The following PHOX2B variants were observed in gnomAD, a reference collection of about 807,000 sequenced individuals.
The protein encoded by PHOX2B is paired mesoderm homeobox protein 2B.
A neutral mutation model predicts 15.5 loss-of-function variants in PHOX2B; 1 was observed. The observed-to-expected ratio is 0.06, with a 90% CI of 0.02 to 0.31. The LOEUF is 0.31. Among genes scored for constraint, PHOX2B ranks in the 10% least tolerant of loss-of-function variants. The probability of loss-of-function intolerance (pLI) is 1.00; values close to 1 mark genes in which losing one functional copy is unlikely to be tolerated. For missense variants in PHOX2B, 314 were observed against 436.4 expected, an observed-to-expected ratio of 0.72 and a Z score of 2.50; for synonymous variants, 206 against 190.5, an observed-to-expected ratio of 1.08 and a Z score of -0.67.
rs1733816707 is a variant in PHOX2B, at chr4:41,744,249, CAT to C, written c.*1556_*1557del. Reference sequence around the variant, plus strand: ...AACTTATGACAATTATGTTCACAAACATAGTCCAACAGGAAAAAAAAAGAAAT... The same window carrying C: ...AACTTATGACAATTATGTTCACAAACAGTCCAACAGGAAAAAAAAAGAAAT... On this transcript the variant is annotated 3_prime_UTR_variant, in exon 3 of 3. Coordinates refer to ENST00000226382, the MANE Select transcript of PHOX2B (RefSeq NM_003924.4). The C allele has an allele frequency of 4.6e-6, 1 of 219,566 alleles. No individual in the cohort carries two copies. Among genetic ancestry groups the C allele is most frequent in the South Asian group, 1.9e-4 (1 of 5,382 alleles). 13.6% of individuals were successfully genotyped at this position (219,566 alleles called of 1,614,324 possible). A position where few individuals can be genotyped will look rare whatever the true frequency, so the allele number is the denominator to read the frequency against.
chr4:41,744,622 G>A lies in PHOX2B; in HGVS notation c.*1185C>T, dbSNP rs1577557944. The A allele has an allele frequency of 4.3e-6, 1 of 233,596 alleles. No homozygotes were observed. Among genetic ancestry groups the A allele is most frequent in the East Asian group, 6.0e-5 (1 of 16,570 alleles). 14.5% of individuals were successfully genotyped at this position (233,596 alleles called of 1,614,324 possible). A position where few individuals can be genotyped will look rare whatever the true frequency, so the allele number is the denominator to read the frequency against. On this transcript the variant is annotated 3_prime_UTR_variant, in exon 3 of 3. Transcript: ENST00000226382. ...CGAAGAATGGAACCCTCAATATACAGTCCATCCACCATACAGGATGTGAGT... is the reference window on the plus strand; with the variant it reads ...CGAAGAATGGAACCCTCAATATACAATCCATCCACCATACAGGATGTGAGT...
chr4:41,746,873 G>A (rs1272285653), intron 2 of PHOX2B, among the ~76,000 whole-genome samples: 2 of 152,186 alleles, frequency 1.3e-5, no homozygotes, highest in Non-Finnish European at 2.9e-5. Flanking sequence ...AGTAAGTCAT[G>A]GTTCTTGACC....
rs1733826124 is a variant in PHOX2B at position 41,744,636 on chromosome 4, C to T, written c.*1171G>A. 1 of 233,508 alleles carries T rather than the reference C, an allele frequency of 4.3e-6. No individual in the cohort carries two copies. Among genetic ancestry groups the T allele is most frequent in the African/African-American group, 2.2e-5 (1 of 45,348 alleles). 14.5% of individuals were successfully genotyped at this position (233,508 alleles called of 1,614,324 possible). ...CTCAATATACAGTCCATCCACCATA[C>T]AGGATGTGAGTCCAGTTCGGATCAT... On this transcript the variant is annotated 3_prime_UTR_variant, in exon 3 of 3. Transcript: ENST00000226382.
Position 41,745,892 on chromosome 4 carries a change from A to G in PHOX2B, c.860T>C (p.Leu287Pro), listed in dbSNP as rs775478414. Residue 287 changes from leucine to proline, a missense_variant, in exon 3 of 3, where the codon CTT becomes CCT. Around this residue, in one of 7 missense-constraint regions of PHOX2B, gnomAD observed 157 missense variants for 169.0 expected, o/e 0.93. Coordinates refer to ENST00000226382, the MANE Select transcript of PHOX2B (RefSeq NM_003924.4). This position sits in a 1 kb window ranked among gnomAD's most constrained non-coding sequence, Gnocchi z 4.0. The part of the protein sequence containing the change: ...PGPITSIPDS[L>P]GGPFASVLSS... ...TAGGACGCTGGCGAAGGGACCCCCA[A>G]GCGAATCCGGGATGGAGGTGATGGG... 1.9e-6 allele frequency: 3 copies of G among 1,607,774 alleles called. No homozygotes were observed. The highest frequency in any genetic ancestry group is 2.2e-5 in the South Asian group (2 of 90,518).
In PHOX2B at chr4:41,745,611, A is replaced by C. The variant is rs894496721; in HGVS notation, c.*196T>G. 5.1e-6 allele frequency: 3 copies of C among 592,670 alleles called. No individual in the cohort carries two copies. Among genetic ancestry groups the C allele is most frequent in the Non-Finnish European group, 8.3e-6 (3 of 363,162 alleles). 36.7% of individuals were successfully genotyped at this position (592,670 alleles called of 1,614,324 possible). Reference sequence around the variant, plus strand: ...GTTTGTTTTGTTTGGGGGTTGAGGAAGGGGGTAGGAGTGGGGTTGAAATGA... The same window carrying C: ...GTTTGTTTTGTTTGGGGGTTGAGGACGGGGGTAGGAGTGGGGTTGAAATGA... On this transcript the variant is annotated 3_prime_UTR_variant, in exon 3 of 3. Transcript: ENST00000226382. This position sits in a 1 kb window ranked among gnomAD's most constrained non-coding sequence, Gnocchi z 4.0.
rs144414806 is a variant in PHOX2B, at chr4:41,746,161, G to T, written c.591C>A (p.Gly197=). 4 of 1,612,518 alleles carry T rather than the reference G, an allele frequency of 2.5e-6. No individual in the cohort carries two copies. The East Asian group carries it at 8.9e-5, about 36-fold the overall frequency. ...AKSTDPDSTG[G]PGPNPNPTPS... ...GGGTGGGGTTGGGATTGGGACCTGGGCCCCCAGTGCTGTCCGGGTCAGTGC... is the reference window on the plus strand; with the variant it reads ...GGGTGGGGTTGGGATTGGGACCTGGTCCCCCAGTGCTGTCCGGGTCAGTGC... Residue 197 remains glycine, a synonymous_variant, in exon 3 of 3, where the codon GGC becomes GGA. Coordinates refer to ENST00000226382, the MANE Select transcript of PHOX2B (RefSeq NM_003924.4).
At chr4:41,748,251 G>A (rs1424670018) in intron 1 of PHOX2B, 119 bp downstream of exon 1, 3 of 1,147,884 alleles carry the variant, frequency 2.6e-6, no homozygotes, top group African/African-American at 1.5e-5. Flanking sequence ...TCTTTCATTT[G>A]TGTAAGCAAA....
In PHOX2B at chr4:41,745,887, C is replaced by A; in HGVS notation, c.865G>T (p.Gly289Cys). ...PITSIPDSLG[G>C]PFASVLSSLQ... is the part of the protein sequence containing the mutation. The stretch of plus-strand genomic sequence containing the variant: ...GAAGATAGGACGCTGGCGAAGGGAC[C>A]CCCAAGCGAATCCGGGATGGAGGTG... Residue 289 changes from glycine to cysteine, a missense_variant, in exon 3 of 3, where the codon GGT becomes TGT. Gly to Cys is a radical substitution (Grantham distance 159, BLOSUM62 -3). Transcript: ENST00000226382. The surrounding 1 kb of genome is among the most constrained non-coding windows in gnomAD (Gnocchi z 4.0). 6.2e-7 allele frequency: 1 copy of A among 1,608,520 alleles called. No individual in the cohort carries two copies. The highest frequency in any genetic ancestry group is 1.1e-5 in the South Asian group (1 of 90,540).
Position 41,744,935 on chromosome 4 carries a change from G to C in PHOX2B, c.*872C>G, listed in dbSNP as rs551710234. ...GATAGGGCATCTTTCAGGGCCGAAC[G>C]GCTGCAAAGATTCGGGGTTGGGAGT... On this transcript the variant is annotated 3_prime_UTR_variant, in exon 3 of 3. Coordinates refer to ENST00000226382, the MANE Select transcript of PHOX2B (RefSeq NM_003924.4). The C allele has an allele frequency of 4.3e-6, 1 of 233,364 alleles. No individual in the cohort carries two copies. Among genetic ancestry groups the C allele is most frequent in the Admixed American group, 5.6e-5 (1 of 17,812 alleles). 14.5% of individuals were successfully genotyped at this position (233,364 alleles called of 1,614,324 possible). A position where few individuals can be genotyped will look rare whatever the true frequency, so the allele number is the denominator to read the frequency against.
chr4:41,748,240 T>TTC, intron 1 of PHOX2B, 130 bp downstream of exon 1: 1 of 1,017,274 alleles, frequency 9.8e-7, no homozygotes. Flanking sequence ...ACGTGATAAA[T>TTC]TCTTTCATTT....
chr4:41,747,072 T>G (rs549334722), intron 2 of PHOX2B, among the ~76,000 whole-genome samples: 3 of 152,186 alleles, frequency 2.0e-5, no homozygotes, highest in Admixed American at 1.3e-4. Flanking sequence ...AGGCACTTCC[T>G]GTCCCCGAAA....
In PHOX2B at chr4:41,747,420, T is replaced by A; in HGVS notation, c.358A>T (p.Thr120Ser). The change falls in exon 2 of 3, where the codon ACT (threonine) becomes TCT (serine). Residue 120 changes from threonine (T) to serine (S), a missense_variant. By Grantham distance (58) the Thr-to-Ser change is moderately conservative. Coordinates refer to ENST00000226382, the MANE Select transcript of PHOX2B (RefSeq NM_003924.4). Reference sequence around the variant, plus strand: ...CGAGTGTAGATGTCGGGGTAGTGAGTCTCCGCGAAGACCCTTTCCAGCTCT... The same window carrying A: ...CGAGTGTAGATGTCGGGGTAGTGAGACTCCGCGAAGACCCTTTCCAGCTCT... ...LKELERVFAE[T>S]HYPDIYTREE... 1 of 1,610,716 alleles carries A rather than the reference T, an allele frequency of 6.2e-7. No homozygotes were observed. The highest frequency in any genetic ancestry group is 8.5e-7 in the Non-Finnish European group (1 of 1,179,820).
intron 2 of PHOX2B, among the ~76,000 whole-genome samples, chr4:41,746,759 G>C (rs1222007167): frequency 1.3e-5 from 2 of 152,222 alleles, no homozygotes; most frequent in Admixed American, 6.5e-5. Context: ...CCCGGCCTTT[G>C]AGCCTGGAAG....
rs1355806826 is a variant in PHOX2B, at chr4:41,745,937, C to A, written c.815G>T (p.Gly272Val). 1.9e-6 allele frequency: 3 copies of A among 1,575,784 alleles called. No homozygotes were observed. The East Asian group carries it at 7.3e-5, about 38-fold the overall frequency. ...GLAAAGGPGQ[G>V]WAPGPGPITS... ...GATGGGGCCGGGGCCGGGAGCCCAG[C>A]CTTGTCCAGGGCCCCCAGCCGCAGC... Residue 272 changes from glycine to valine, a missense_variant, in exon 3 of 3, where the codon GGC becomes GTC. By Grantham distance (109) the Gly-to-Val change is moderately radical. This residue lies in a region of PHOX2B where 157 missense variants were observed against 169.0 expected (regional missense o/e 0.93). Transcript: ENST00000226382. The surrounding 1 kb of genome is among the most constrained non-coding windows in gnomAD (Gnocchi z 4.0).
intron 2 of PHOX2B, 108 bp downstream of exon 2, chr4:41,747,241 G>A (rs1560466134): frequency 1.1e-6 from 1 of 879,512 alleles, no homozygotes; most frequent in Non-Finnish European, 1.8e-6. Flanking sequence ...GGGGCCCTAG[G>A]TCCTTCTCAC....
In PHOX2B at chr4:41,745,377, G is replaced by A. The variant is rs1299006103; in HGVS notation, c.*430C>T. ...TTTTTTGTCTTTTTTTTCTAAACAA[G>A]TCACTAAGTTGGTTGAGGCCCCCCA... On this transcript the variant is annotated 3_prime_UTR_variant, in exon 3 of 3. Transcript: ENST00000226382. The surrounding 1 kb of genome is among the most constrained non-coding windows in gnomAD (Gnocchi z 4.0). The A allele has an allele frequency of 4.2e-6, 1 of 236,112 alleles. No individual in the cohort carries two copies. Among genetic ancestry groups the A allele is most frequent in the African/African-American group, 2.2e-5 (1 of 45,090 alleles). 14.6% of individuals were successfully genotyped at this position (236,112 alleles called of 1,614,324 possible). A position where few individuals can be genotyped will look rare whatever the true frequency, so the allele number is the denominator to read the frequency against.
intron 1 of PHOX2B, 37 bp from the exon 2 acceptor site, chr4:41,747,573 C>T: frequency 6.4e-7 from 1 of 1,561,682 alleles, no homozygotes; most frequent in Non-Finnish European, 8.7e-7. Flanking sequence ...GTGAGCAAAT[C>T]AGCCGGCAGC....
At chr4:41,746,551 G>A (rs1368670315) in intron 2 of PHOX2B, among the ~76,000 whole-genome samples, 2 of 152,144 alleles carry the variant, frequency 1.3e-5, no homozygotes, top group African/African-American at 2.4e-5. Flanking sequence ...GGGACATGAA[G>A]GCTTGCGGCA....
rs1733836073 is a variant in PHOX2B, at chr4:41,744,941, A to G, written c.*866T>C. The stretch of plus-strand genomic sequence containing the variant: ...GCATCTTTCAGGGCCGAACGGCTGC[A>G]AAGATTCGGGGTTGGGAGTTGCAAC... On this transcript the variant is annotated 3_prime_UTR_variant, in exon 3 of 3. Transcript: ENST00000226382. 4.3e-6 allele frequency: 1 copy of G among 233,226 alleles called. No individual in the cohort carries two copies. Among genetic ancestry groups the G allele is most frequent in the South Asian group, 1.8e-4 (1 of 5,532 alleles). The allele number at this position is 233,226 out of a possible 1,614,324, so 14.4% of individuals were successfully genotyped here.
Sources: allele counts gnomAD v4.1 joint callset (sites outside exome capture counted in the v4.1 genomes callset), GRCh38; gene constraint gnomAD v4.1.1; regional missense constraint gnomAD v4.1.1; non-coding constraint Gnocchi (gnomAD v3.1); transcripts MANE v1.5; gene names NCBI Gene and HGNC (gene_info 2026-07-23, HGNC 2026-07-21).